The following LHCGR variants were observed in gnomAD, a reference collection of about 807,000 sequenced individuals.
LHCGR encodes lutropin-choriogonadotropic hormone receptor.
In LHCGR, 55 loss-of-function variants were observed where a neutral mutation model predicts 60.7. The observed-to-expected ratio is 0.91, with a 90% CI of 0.73 to 1.13. The LOEUF (loss-of-function observed/expected upper bound fraction) is 1.13, where lower values mean the gene tolerates loss of function less well. Ranked by LOEUF, LHCGR falls within the 50% of genes most tolerant of loss-of-function variation. LHCGR has a pLI of 0.00. For missense variants in LHCGR, 862 were observed against 836.0 expected, an observed-to-expected ratio of 1.03 and a Z score of -0.38; for synonymous variants, 337 against 316.5, an observed-to-expected ratio of 1.06 and a Z score of -0.69.
At chr2:48,709,407 A>G (rs112128617) in intron 7 of LHCGR, among the ~76,000 whole-genome samples, 1 of 152,346 alleles carries the variant, frequency 6.6e-6, no homozygotes, top group African/African-American at 2.4e-5. Flanking sequence ...TTAGCCTCTC[A>G]GTCATTGTGA....
chr2:48,688,906 C>T lies in LHCGR; in HGVS notation c.948-57G>A. 1 of 1,512,000 alleles carries T rather than the reference C, an allele frequency of 6.6e-7. No homozygotes were observed. Among genetic ancestry groups the T allele is most frequent in the South Asian group, 1.1e-5 (1 of 88,184 alleles). 93.7% of individuals were successfully genotyped at this position (1,512,000 alleles called of 1,614,324 possible). On this transcript the variant is annotated intron_variant, in intron 10 of 10. Coordinates refer to ENST00000294954, the MANE Select transcript of LHCGR (RefSeq NM_000233.4). The surrounding 1 kb of genome is among the most constrained non-coding windows in gnomAD (Gnocchi z 5.2). ...GATTTTCTCTGAGTATTAAAAAATT[C>T]AAGAATTATGTTTCTTTAAAGGCAA...
chr2:48,731,193 AC>A, intron 2 of LHCGR, 33 bp downstream of exon 2: 1 of 1,395,476 alleles, frequency 7.2e-7, no homozygotes, highest in Admixed American at 1.7e-5. Context: ...TATTCCAATT[AC>A]GAATGTCTTT....
intron 6 of LHCGR, 129 bp downstream of exon 6, chr2:48,723,327 T>G: frequency 1.3e-6 from 1 of 747,246 alleles, no homozygotes; most frequent in Non-Finnish European, 2.4e-6. Flanking sequence ...ACCCTTAGCA[T>G]TTTAGGTTAA....
At chr2:48,743,092 G>C (rs1669543852) in intron 1 of LHCGR, among the ~76,000 whole-genome samples, 1 of 152,216 alleles carries the variant, frequency 6.6e-6, no homozygotes, top group Non-Finnish European at 1.5e-5. Flanking sequence ...AGAAAATCTA[G>C]AAGAAATGGA....
intron 8 of LHCGR, among the ~76,000 whole-genome samples, chr2:48,706,605 C>G (rs1298376598): frequency 6.6e-6 from 1 of 151,954 alleles, no homozygotes; most frequent in African/African-American, 2.4e-5. Flanking sequence ...TTTTTTTTCT[C>G]TAATCTTGTC....
rs1457466797 is a variant in LHCGR, at chr2:48,688,879, G to A, written c.948-30C>T. ...AAGAAGAATTATTGGCTTGAGGTAA[G>A]GGATTTTCTCTGAGTATTAAAAAAT... On this transcript the variant is annotated intron_variant, in intron 10 of 10. Coordinates refer to ENST00000294954, the MANE Select transcript of LHCGR (RefSeq NM_000233.4). This position sits in a 1 kb window ranked among gnomAD's most constrained non-coding sequence, Gnocchi z 5.2. 6.2e-7 allele frequency: 1 copy of A among 1,600,774 alleles called. No individual in the cohort carries two copies. Among genetic ancestry groups the A allele is most frequent in the East Asian group, 2.2e-5 (1 of 44,852 alleles).
intron 1 of LHCGR, among the ~76,000 whole-genome samples, chr2:48,747,575 G>T (rs182307762): frequency 1.3e-5 from 2 of 152,134 alleles, no homozygotes; most frequent in Non-Finnish European, 2.9e-5. Context: ...TTCTATGCTG[G>T]GTGTGCTTGG....
At chr2:48,714,483 CT>C (rs61510695) in intron 6 of LHCGR, among the ~76,000 whole-genome samples, 301 of 139,888 alleles carry the variant, frequency 2.2e-3, no homozygotes, top group Middle Eastern at 7.1e-3. Context: ...ACTGAGCCCA[CT>C]TTTTTTTTTT....
intron 6 of LHCGR, among the ~76,000 whole-genome samples, chr2:48,714,976 TC>T (rs1255270309): frequency 2.0e-5 from 3 of 152,192 alleles, no homozygotes; most frequent in Non-Finnish European, 4.4e-5. Flanking sequence ...TGGGGCTACA[TC>T]CAGCACATCA....
intron 6 of LHCGR, chr2:48,721,842 C>G: frequency 4.3e-6 from 2 of 468,498 alleles, no homozygotes; most frequent in Non-Finnish European, 8.8e-6. Context: ...AAATCAGGGT[C>G]ACTGGGCTTT....
intron 8 of LHCGR, 41 bp from the exon 9 acceptor site, chr2:48,698,841 T>G: frequency 6.9e-7 from 1 of 1,446,122 alleles, no homozygotes; most frequent in South Asian, 1.2e-5. Flanking sequence ...TTTATTTATT[T>G]TATACATTTT....
intron 9 of LHCGR, among the ~76,000 whole-genome samples, chr2:48,698,094 C>T (rs555639592): frequency 6.6e-6 from 1 of 152,314 alleles, no homozygotes; most frequent in African/African-American, 2.4e-5. Context: ...GCAGGAGCTC[C>T]TTCCCTTCCT....
At chr2:48,729,350 C>G in intron 2 of LHCGR, 123 bp from the exon 3 acceptor site, 1 of 771,792 alleles carries the variant, frequency 1.3e-6, no homozygotes, top group Admixed American at 1.9e-5. Flanking sequence ...CTGAAAAGAA[C>G]AAAGATGTGC....
At chr2:48,705,718 C>CTT (rs548802313) in intron 8 of LHCGR, among the ~76,000 whole-genome samples, 1 of 144,360 alleles carries the variant, frequency 6.9e-6, no homozygotes, top group Non-Finnish European at 1.5e-5. Context: ...GCAATCCCTG[C>CTT]TTTTTTTTTT....
At chr2:48,710,015 C>T (rs12713013) in intron 7 of LHCGR, among the ~76,000 whole-genome samples, 14,292 of 152,206 alleles carry the variant, frequency 0.094, 820 homozygotes, top group East Asian at 0.2. Flanking sequence ...AGCGTGGGAA[C>T]ATGATTCTCT....
intron 1 of LHCGR, among the ~76,000 whole-genome samples, chr2:48,755,101 G>C (rs1001794895): frequency 9.2e-5 from 14 of 152,044 alleles, no homozygotes; most frequent in Admixed American, 9.2e-4. Flanking sequence ...GGGTGCCAGA[G>C]CTCACATTCA....
At chr2:48,696,380 C>G (rs1419745647) in intron 9 of LHCGR, among the ~76,000 whole-genome samples, 1 of 152,182 alleles carries the variant, frequency 6.6e-6, no homozygotes, top group African/African-American at 2.4e-5. Context: ...TCAAGTTTCC[C>G]TGAGGGCAGT....
intron 6 of LHCGR, among the ~76,000 whole-genome samples, chr2:48,719,272 C>T (rs902547032): frequency 6.6e-6 from 1 of 152,074 alleles, no homozygotes; most frequent in African/African-American, 2.4e-5. Context: ...AGTGGGATGA[C>T]CTGACTAAGG....
chr2:48,752,473 G>A (rs1450289202), intron 1 of LHCGR, among the ~76,000 whole-genome samples: 1 of 151,658 alleles, frequency 6.6e-6, no homozygotes, highest in Non-Finnish European at 1.5e-5. Context: ...CTATGATAAT[G>A]TAGTGCAAGA....
Sources: gnomAD v4.1 joint callset for allele counts (sites outside exome capture counted in the v4.1 genomes callset) on GRCh38, gnomAD v4.1.1 for gene constraint, Gnocchi (gnomAD v3.1) non-coding constraint, MANE v1.5 for transcripts, NCBI Gene and HGNC (gene_info 2026-07-23, HGNC 2026-07-21) for gene names.